SLC8A1: variants seen among roughly 807,000 people sequenced by gnomAD.
The protein encoded by SLC8A1 is sodium/calcium exchanger 1.
SLC8A1 carries 18 observed loss-of-function variants against 68.3 expected under a neutral mutation model. The observed-to-expected ratio is 0.26, with a 90% CI of 0.18 to 0.39. The LOEUF (loss-of-function observed/expected upper bound fraction) is 0.39, where lower values mean the gene tolerates loss of function less well. Ranked by LOEUF, SLC8A1 falls within the 10% of genes least tolerant of loss-of-function variation. The probability of loss-of-function intolerance (pLI) is 1.00; values close to 1 mark genes in which losing one functional copy is unlikely to be tolerated. For missense variants in SLC8A1, 985 were observed against 1,156.7 expected, an observed-to-expected ratio of 0.85 and a Z score of 2.15; for synonymous variants, 475 against 415.5, an observed-to-expected ratio of 1.14 and a Z score of -1.74.
At chr2:40,367,864 C>T (rs534499577) in intron 2 of SLC8A1, among the ~76,000 whole-genome samples, 4 of 152,146 alleles carry the variant, frequency 2.6e-5, no homozygotes, top group South Asian at 4.1e-4. Context: ...GACAACACAA[C>T]CCCCCACATC....
chr2:40,161,282 C>G (rs2045635381), intron 5 of SLC8A1, among the ~76,000 whole-genome samples: 1 of 152,030 alleles, frequency 6.6e-6, no homozygotes, highest in Admixed American at 6.6e-5. Flanking sequence ...GATTATGGAA[C>G]CAAAAAATAT....
chr2:40,355,457 G>A (rs551286319), intron 2 of SLC8A1, among the ~76,000 whole-genome samples: 1 of 152,202 alleles, frequency 6.6e-6, no homozygotes, highest in South Asian at 2.1e-4. Flanking sequence ...CCATTTCAAG[G>A]GCACTGTTGG....
At chr2:40,139,900 CTT>C (rs1382728215) in intron 6 of SLC8A1, among the ~76,000 whole-genome samples, 1 of 152,182 alleles carries the variant, frequency 6.6e-6, no homozygotes, top group African/African-American at 2.4e-5. Flanking sequence ...ATGGCAAAAA[CTT>C]AACCCCTACC....
chr2:40,327,830 C>G lies in SLC8A1; in HGVS notation c.1808+100643G>C, dbSNP rs116880109. Among the ~76,000 whole-genome samples, 1,234 of 152,184 alleles carry G rather than the reference C, an allele frequency of 8.1e-3. 36 individuals carry two copies. In the East Asian group the frequency reaches 0.095, roughly 12 times the overall value. ...TCCCTACCTGGGTGATGGGATCAGTCATACCCCAAACCTTAGCATCATGCA... is the reference window on the plus strand; with the variant it reads ...TCCCTACCTGGGTGATGGGATCAGTGATACCCCAAACCTTAGCATCATGCA... On this transcript the variant is annotated intron_variant, in intron 2 of 7. Transcript: ENST00000406785.
At chr2:40,319,532 TC>T (rs2074926709) in intron 2 of SLC8A1, among the ~76,000 whole-genome samples, 1 of 152,078 alleles carries the variant, frequency 6.6e-6, no homozygotes, top group Non-Finnish European at 1.5e-5. Flanking sequence ...TCAGAGACGT[TC>T]AAAACACGTT....
chr2:40,130,886 G>A (rs1005633923), intron 7 of SLC8A1, among the ~76,000 whole-genome samples: 2 of 152,200 alleles, frequency 1.3e-5, no homozygotes, highest in Non-Finnish European at 2.9e-5. Flanking sequence ...ATTTGGATAT[G>A]TCCACCTCAC....
intron 2 of SLC8A1, among the ~76,000 whole-genome samples, chr2:40,393,255 A>G (rs1258782956): frequency 6.6e-6 from 1 of 152,100 alleles, no homozygotes; most frequent in East Asian, 1.9e-4. Context: ...CAAACCTCAC[A>G]GCTCTGTATT....
chr2:40,215,777 C>T (rs911600413), intron 2 of SLC8A1, among the ~76,000 whole-genome samples: 14 of 151,986 alleles, frequency 9.2e-5, no homozygotes, highest in African/African-American at 3.4e-4. Flanking sequence ...AGGTCTGAGC[C>T]ACTGTGCTTG....
intron 2 of SLC8A1, among the ~76,000 whole-genome samples, chr2:40,191,193 C>CCTGTTTT (rs2051753026): frequency 6.6e-6 from 1 of 152,130 alleles, no homozygotes. Context: ...CAATATGCCT[C>CCTGTTTT]CTGTTTTCTG....
At chr2:40,372,790 G>A (rs1011957155) in intron 2 of SLC8A1, among the ~76,000 whole-genome samples, 3 of 152,078 alleles carry the variant, frequency 2.0e-5, no homozygotes, top group African/African-American at 4.8e-5. Flanking sequence ...CTTATACCAC[G>A]GTATTTTGTT....
At chr2:40,237,990 A>G (rs2060642086) in intron 2 of SLC8A1, among the ~76,000 whole-genome samples, 1 of 152,038 alleles carries the variant, frequency 6.6e-6, no homozygotes, top group Non-Finnish European at 1.5e-5. Context: ...GTGCTGGGAG[A>G]ACCACTGCTC....
intron 1 of SLC8A1, among the ~76,000 whole-genome samples, chr2:40,444,161 CCT>C (rs1324524155): frequency 2.6e-5 from 4 of 151,960 alleles, no homozygotes; most frequent in African/African-American, 4.8e-5. Flanking sequence ...TAGCAAGACC[CCT>C]GTCTCTACAA....
Position 40,177,938 on chromosome 2 carries a change from T to C in SLC8A1, c.1809-83A>G, listed in dbSNP as rs1245845059. 4 of 882,284 alleles carry C rather than the reference T, an allele frequency of 4.5e-6. No individual in the cohort carries two copies. The East Asian group carries it at 8.0e-5, about 18-fold the overall frequency. The allele number at this position is 882,284 out of a possible 1,614,324, so 54.7% of individuals were successfully genotyped here. Reference sequence around the variant, plus strand: ...TGGTGTCCACCAAGCTGAATGTTACTGTGATGTTATGGAGGGAGAACTGGC... The same window carrying C: ...TGGTGTCCACCAAGCTGAATGTTACCGTGATGTTATGGAGGGAGAACTGGC... On this transcript the variant is annotated intron_variant, in intron 2 of 7. Coordinates refer to ENST00000406785, the Ensembl canonical transcript of SLC8A1.
rs1269509744 is a variant in SLC8A1, at chr2:40,171,082, C to CT, written c.1930+3742dup. 2.6e-5 allele frequency among the ~76,000 whole-genome samples: 4 copies of CT among 152,286 alleles called. No homozygotes were observed. In the South Asian group the frequency reaches 8.3e-4, roughly 32 times the overall value. On this transcript the variant is annotated intron_variant, in intron 4 of 7. Transcript: ENST00000406785. ...CTACCAAGAGCTACCCATAACTGACCTGGGAGTCATGAGATTTGGGATTCA... is the reference window on the plus strand; with the variant it reads ...CTACCAAGAGCTACCCATAACTGACCTTGGGAGTCATGAGATTTGGGATTCA...
Position 40,421,884 on chromosome 2 carries a change from G to A in SLC8A1, c.1808+6589C>T, listed in dbSNP as rs141600373. On this transcript the variant is annotated intron_variant, in intron 2 of 7. Transcript: ENST00000406785. Reference sequence around the variant, plus strand: ...CCTTTGGCAAATACATGGGTATTATGTAGGCAGCATGTCGAGCCAGGAGAG... The same window carrying A: ...CCTTTGGCAAATACATGGGTATTATATAGGCAGCATGTCGAGCCAGGAGAG... 3.1e-3 allele frequency among the ~76,000 whole-genome samples: 472 copies of A among 152,302 alleles called. 1 individual carries two copies. The highest frequency in any genetic ancestry group is 0.011 in the African/African-American group (447 of 41,576).
chr2:40,429,739 A>G (rs371987903), exon 2 of SLC8A1: 35 of 1,613,724 alleles, frequency 2.2e-5, no homozygotes, highest in Non-Finnish European at 2.9e-5. Context: ...TGCAATAATG[A>G]TGAACATATT....
chr2:40,366,496 G>C (rs1204186627), intron 2 of SLC8A1, among the ~76,000 whole-genome samples: 1 of 151,990 alleles, frequency 6.6e-6, no homozygotes, highest in African/African-American at 2.4e-5. Context: ...TAAATTATAA[G>C]GTGTGAAATA....
chr2:40,286,240 G>T (rs534461446), intron 2 of SLC8A1, among the ~76,000 whole-genome samples: 4 of 152,258 alleles, frequency 2.6e-5, no homozygotes, highest in Admixed American at 6.5e-5. Flanking sequence ...CAAGAGAAGA[G>T]GCTTCACTAT....
At chr2:40,405,291 C>T (rs6732205) in intron 2 of SLC8A1, among the ~76,000 whole-genome samples, 38,132 of 152,090 alleles carry the variant, frequency 0.25, 4,922 homozygotes, top group South Asian at 0.42. Flanking sequence ...AGGAGACATA[C>T]ACCTACAATT....
Sources: allele counts gnomAD v4.1 joint callset (sites outside exome capture counted in the v4.1 genomes callset), GRCh38; gene constraint gnomAD v4.1.1; transcripts MANE v1.5; gene names NCBI Gene and HGNC (gene_info 2026-07-23, HGNC 2026-07-21).